The following CDYL variants were observed in gnomAD, a reference collection of about 807,000 sequenced individuals.
The protein encoded by CDYL is chromodomain Y-like protein.
A neutral mutation model predicts 47.3 loss-of-function variants in CDYL; 8 were observed. The ratio of observed to expected loss-of-function variants is 0.17; its 90% CI spans 0.10 to 0.31. The LOEUF (loss-of-function observed/expected upper bound fraction) is 0.31, where lower values mean the gene tolerates loss of function less well. Among genes scored for constraint, CDYL ranks in the 10% least tolerant of loss-of-function variants. The probability of loss-of-function intolerance (pLI) is 1.00; values close to 1 mark genes in which losing one functional copy is unlikely to be tolerated. For synonymous variants in CDYL, 266 were observed against 265.0 expected (o/e 1.00, Z -0.04); for missense variants, 471 against 701.4 (o/e 0.67, Z 3.71).
intron 3 of CDYL, among the ~76,000 whole-genome samples, chr6:4,936,824 A>G (rs1271447866): frequency 6.6e-6 from 1 of 151,368 alleles, no homozygotes; most frequent in Non-Finnish European, 1.5e-5. Context: ...TGCCTTATCT[A>G]AGAGCCGCAA....
At chr6:4,710,624 T>G (rs1227091385) in intron 1 of CDYL, among the ~76,000 whole-genome samples, 1 of 152,138 alleles carries the variant, frequency 6.6e-6, no homozygotes, top group Non-Finnish European at 1.5e-5. Flanking sequence ...TCCAATCTAT[T>G]CAGCTACTTC....
At chr6:4,743,898 G>A (rs1258426412) in intron 3 of CDYL, among the ~76,000 whole-genome samples, 6 of 152,216 alleles carry the variant, frequency 3.9e-5, no homozygotes, top group Admixed American at 3.9e-4. Context: ...ACTTGTACCT[G>A]AGAGTATATG....
Position 4,915,318 on chromosome 6 carries a change from G to T in CDYL, c.692-20197G>T, listed in dbSNP as rs59185051. On this transcript the variant is annotated intron_variant, in intron 2 of 6. Transcript: ENST00000397588. The stretch of plus-strand genomic sequence containing the variant: ...GCTCTCTAGCCAGTGAACACATTTT[G>T]CTTGGCCCTGATATTAGGGTTGTTT... Among the ~76,000 whole-genome samples the T allele has an allele frequency of 8.5e-3, 1,294 of 152,238 alleles. 14 individuals are homozygous for T. The highest frequency in any genetic ancestry group is 0.03 in the African/African-American group (1,240 of 41,542).
At chr6:4,852,813 T>C (rs1760891908) in intron 1 of CDYL, among the ~76,000 whole-genome samples, 1 of 151,988 alleles carries the variant, frequency 6.6e-6, no homozygotes, top group African/African-American at 2.4e-5. Context: ...GTTCTTTTTT[T>C]TTTGAGACAA....
At chr6:4,838,002 T>G (rs1264522356) in intron 1 of CDYL, among the ~76,000 whole-genome samples, 1 of 151,826 alleles carries the variant, frequency 6.6e-6, no homozygotes, top group Non-Finnish European at 1.5e-5. Flanking sequence ...CATCTCGAAC[T>G]CCTGGGCTCA....
intron 2 of CDYL, among the ~76,000 whole-genome samples, chr6:4,727,140 T>C (rs1038300651): frequency 1.3e-5 from 2 of 152,184 alleles, no homozygotes; most frequent in African/African-American, 4.8e-5. Context: ...TCCACTTCCC[T>C]GACACAAAGT....
intron 1 of CDYL, among the ~76,000 whole-genome samples, chr6:4,820,452 T>G (rs557867390): frequency 1.4e-3 from 213 of 152,272 alleles, no homozygotes; most frequent in Middle Eastern, 3.4e-3. Flanking sequence ...AGAGATGGGT[T>G]CCTCTGAGGG....
At chr6:4,900,786 T>C (rs1280342517) in intron 2 of CDYL, among the ~76,000 whole-genome samples, 1 of 36,656 alleles carries the variant, frequency 2.7e-5, no homozygotes, top group African/African-American at 1.2e-4. Context: ...TGTGTATATA[T>C]ATATATATAT....
At chr6:4,885,390 T>C (rs1000048589) in intron 1 of CDYL, among the ~76,000 whole-genome samples, 1 of 152,330 alleles carries the variant, frequency 6.6e-6, no homozygotes, top group Non-Finnish European at 1.5e-5. Context: ...GTTCCTTTGT[T>C]CAGTGTCTCC....
intron 2 of CDYL, among the ~76,000 whole-genome samples, chr6:4,896,348 G>A (rs2127490153): frequency 6.6e-6 from 1 of 152,358 alleles, no homozygotes; most frequent in South Asian, 2.1e-4. Flanking sequence ...TAGATCGTAA[G>A]CTCCAAGAAA....
chr6:4,931,663 T>C (rs543446916), intron 2 of CDYL, among the ~76,000 whole-genome samples: 1 of 152,234 alleles, frequency 6.6e-6, no homozygotes, highest in East Asian at 1.9e-4. Flanking sequence ...ACCTAAATAG[T>C]GCAAAGTTCA....
At chr6:4,933,644 T>C (rs17139014) in intron 2 of CDYL, among the ~76,000 whole-genome samples, 7,833 of 152,184 alleles carry the variant, frequency 0.051, 248 homozygotes, top group African/African-American at 0.071. Flanking sequence ...AAGGATCTGG[T>C]AGGGTAGAGG....
intron 1 of CDYL, among the ~76,000 whole-genome samples, chr6:4,826,588 T>A (rs145620508): frequency 1.5e-3 from 234 of 152,346 alleles, no homozygotes; most frequent in Middle Eastern, 3.4e-3. Flanking sequence ...CTACTTTCCC[T>A]TGTGATTTCT....
intron 4 of CDYL, among the ~76,000 whole-genome samples, chr6:4,940,449 C>T (rs981064386): frequency 6.6e-6 from 1 of 152,158 alleles, no homozygotes; most frequent in African/African-American, 2.4e-5. Context: ...TTCCTTAAAA[C>T]TTGGAGGCAA....
intron 2 of CDYL, among the ~76,000 whole-genome samples, chr6:4,918,893 C>T (rs907840076): frequency 4.6e-5 from 7 of 152,170 alleles, no homozygotes; most frequent in African/African-American, 1.7e-4. Flanking sequence ...AGGATTAATG[C>T]TCTCAGAGGA....
intron 3 of CDYL, among the ~76,000 whole-genome samples, chr6:4,761,842 A>G (rs1758179651): frequency 6.6e-6 from 1 of 152,228 alleles, no homozygotes; most frequent in Non-Finnish European, 1.5e-5. Flanking sequence ...ATTTCCAGTA[A>G]TGGCAGACTA....
intron 1 of CDYL, among the ~76,000 whole-genome samples, chr6:4,709,010 AAAAAT>A (rs780800707): frequency 4.2e-4 from 64 of 152,200 alleles, no homozygotes; most frequent in East Asian, 1.7e-3. Context: ...CTGTCTTAAA[AAAAAT>A]AAAATAAAAT....
At chr6:4,759,218 C>T (rs1267636667) in intron 3 of CDYL, among the ~76,000 whole-genome samples, 1 of 152,090 alleles carries the variant, frequency 6.6e-6, no homozygotes, top group Non-Finnish European at 1.5e-5. Flanking sequence ...ATCCACGCGC[C>T]TCAGCCTCCC....
chr6:4,946,388 C>T (rs1323231165), intron 5 of CDYL, among the ~76,000 whole-genome samples: 3 of 152,154 alleles, frequency 2.0e-5, no homozygotes, highest in South Asian at 2.1e-4. Context: ...CATCTGCCCC[C>T]AGTGGGGGCA....
Sources: allele counts gnomAD v4.1 joint callset (sites outside exome capture counted in the v4.1 genomes callset), GRCh38; gene constraint gnomAD v4.1.1; transcripts MANE v1.5; gene names NCBI Gene and HGNC (gene_info 2026-07-23, HGNC 2026-07-21).